Variants in ATP6V1C1 observed in about 807,000 individuals in gnomAD.
ATP6V1C1 encodes V-type proton ATPase subunit C 1.
In ATP6V1C1, 45 loss-of-function variants were observed where a neutral mutation model predicts 53.9. That is an observed-to-expected ratio of 0.83 (90% CI 0.66 to 1.07). The LOEUF (loss-of-function observed/expected upper bound fraction) is 1.07. Among genes scored for constraint, ATP6V1C1 ranks in the 50% least tolerant of loss-of-function variants. The pLI, the probability that ATP6V1C1 is intolerant of heterozygous loss-of-function variation, is 0.00. For missense variants in ATP6V1C1, 315 were observed against 440.3 expected (o/e 0.72, Z 2.55); for synonymous variants, 153 against 155.2 (o/e 0.99, Z 0.11).
chr8:103,027,184 C>T (rs1161676014), intron 1 of ATP6V1C1, among the ~76,000 whole-genome samples: 1 of 152,136 alleles, frequency 6.6e-6, no homozygotes, highest in Non-Finnish European at 1.5e-5. Context: ...TGAGGTATGC[C>T]TTCTTGTGCT....
chr8:103,033,837 A>G (rs1816840962), intron 1 of ATP6V1C1, among the ~76,000 whole-genome samples: 1 of 152,244 alleles, frequency 6.6e-6, no homozygotes, highest in Admixed American at 6.5e-5. Flanking sequence ...GCTAGTAGAT[A>G]GGAAGTGCCC....
intron 1 of ATP6V1C1, among the ~76,000 whole-genome samples, chr8:103,021,913 T>C (rs908506775): frequency 6.6e-6 from 1 of 152,154 alleles, no homozygotes; most frequent in African/African-American, 2.4e-5. Flanking sequence ...TAGTATTCTT[T>C]TCAGAGGAAA....
rs1351397738 is a variant in ATP6V1C1 at position 103,069,966 on chromosome 8, C to G, written c.*1219C>G. ...GACCCCCTCCCTCAATTTCCACCTCCCAAGGGAAGTTTATGTATTTTTCTA... is the reference window on the plus strand; with the variant it reads ...GACCCCCTCCCTCAATTTCCACCTCGCAAGGGAAGTTTATGTATTTTTCTA... On this transcript the variant is annotated 3_prime_UTR_variant, in exon 13 of 13. Transcript: ENST00000518738. 6.6e-6 allele frequency: 1 copy of G among 152,096 alleles called. No individual in the cohort carries two copies. The highest frequency in any genetic ancestry group is 1.5e-5 in the Non-Finnish European group (1 of 68,016). The allele number at this position is 152,096 out of a possible 1,614,324, so 9.4% of individuals were successfully genotyped here. A position where few individuals can be genotyped will look rare whatever the true frequency, so the allele number is the denominator to read the frequency against.
At chr8:103,061,170 T>C (rs1209026871) in intron 8 of ATP6V1C1, among the ~76,000 whole-genome samples, 1 of 152,162 alleles carries the variant, frequency 6.6e-6, no homozygotes, top group Non-Finnish European at 1.5e-5. Flanking sequence ...GAGCAAGAAT[T>C]AAGGGTAATC....
chr8:103,054,023 C>A, intron 7 of ATP6V1C1, 41 bp downstream of exon 7: 1 of 1,495,074 alleles, frequency 6.7e-7, no homozygotes, highest in South Asian at 1.2e-5. Flanking sequence ...TGTTAAAATA[C>A]AAGAAAAATG....
intron 1 of ATP6V1C1, among the ~76,000 whole-genome samples, chr8:103,032,480 TTTTTTC>T (rs983667442): frequency 2.1e-4 from 32 of 152,190 alleles, no homozygotes; most frequent in African/African-American, 7.2e-4. Flanking sequence ...TCCCCTTCCT[TTTTTTC>T]TTTTTCTTTT....
chr8:103,037,083 G>A (rs1391138796), intron 1 of ATP6V1C1, among the ~76,000 whole-genome samples: 2 of 152,158 alleles, frequency 1.3e-5, no homozygotes, highest in Non-Finnish European at 2.9e-5. Context: ...GATTCGCTAA[G>A]TGCGAGAGTA....
At chr8:103,067,068 C>T (rs1817504220) in intron 12 of ATP6V1C1, among the ~76,000 whole-genome samples, 1 of 151,570 alleles carries the variant, frequency 6.6e-6, no homozygotes, top group Non-Finnish European at 1.5e-5. Context: ...AAGATATAAA[C>T]AGAGTTACTT....
intron 7 of ATP6V1C1, among the ~76,000 whole-genome samples, chr8:103,055,197 A>G (rs1817268909): frequency 1.3e-5 from 2 of 152,150 alleles, no homozygotes. Flanking sequence ...CTTTATTTAA[A>G]ACTTGGGTTC....
At chr8:103,027,141 A>G (rs1586305909) in intron 1 of ATP6V1C1, among the ~76,000 whole-genome samples, 1 of 152,220 alleles carries the variant, frequency 6.6e-6, no homozygotes, top group East Asian at 1.9e-4. Flanking sequence ...TGATGTGCAC[A>G]TTTGGAAGGC....
At chr8:103,033,470 G>T (rs1816833934) in intron 1 of ATP6V1C1, among the ~76,000 whole-genome samples, 2 of 152,146 alleles carry the variant, frequency 1.3e-5, no homozygotes, top group South Asian at 4.1e-4. Flanking sequence ...TATCTTCTGA[G>T]ATTCTACCAT....
At chr8:103,034,915 A>G (rs1165406532) in intron 1 of ATP6V1C1, among the ~76,000 whole-genome samples, 1 of 152,184 alleles carries the variant, frequency 6.6e-6, no homozygotes, top group Non-Finnish European at 1.5e-5. Context: ...TGACAAGTTG[A>G]GAGCGGTCAT....
intron 7 of ATP6V1C1, among the ~76,000 whole-genome samples, chr8:103,055,518 A>G (rs1563607886): frequency 6.6e-6 from 1 of 152,040 alleles, no homozygotes; most frequent in Admixed American, 6.6e-5. Context: ...AATGATAGTG[A>G]TTTTAGCATG....
At chr8:103,046,232 A>G (rs1817094615) in intron 3 of ATP6V1C1, among the ~76,000 whole-genome samples, 1 of 151,990 alleles carries the variant, frequency 6.6e-6, no homozygotes, top group African/African-American at 2.4e-5. Context: ...TTTCAGAGAC[A>G]GGGTCTTGGT....
In ATP6V1C1 at chr8:103,063,055, T is replaced by C; in HGVS notation, c.734+8T>C. ...CAAAGCCAGAGAAAACAAGTAAGAT[T>C]ATTGTTTTTTTGTTTATTTACTTTG... On this transcript the variant is annotated splice_region_variant and intron_variant, in intron 9 of 12. Coordinates refer to ENST00000518738, the MANE Select transcript of ATP6V1C1 (RefSeq NM_001695.5). 1 of 1,613,412 alleles carries C rather than the reference T, an allele frequency of 6.2e-7. No homozygotes were observed. The highest frequency in any genetic ancestry group is 8.5e-7 in the Non-Finnish European group (1 of 1,179,524).
intron 1 of ATP6V1C1, among the ~76,000 whole-genome samples, chr8:103,022,017 A>G (rs763369158): frequency 1.8e-4 from 27 of 152,200 alleles, no homozygotes; most frequent in Admixed American, 1.4e-3. Flanking sequence ...TGAACAGTCT[A>G]TCCTTAGGAG....
chr8:103,045,677 C>T (rs935683649), intron 3 of ATP6V1C1, among the ~76,000 whole-genome samples: 3 of 152,148 alleles, frequency 2.0e-5, no homozygotes, highest in African/African-American at 7.2e-5. Flanking sequence ...CATGGTGGCT[C>T]ACGCCTGTAA....
chr8:103,064,043 CT>C (rs1447079103), intron 10 of ATP6V1C1, among the ~76,000 whole-genome samples: 1 of 152,086 alleles, frequency 6.6e-6, no homozygotes, highest in Non-Finnish European at 1.5e-5. Context: ...TATCCTTTTG[CT>C]TAAATTAATT....
Position 103,051,687 on chromosome 8 carries a change from AG to A in ATP6V1C1, c.381+544del, listed in dbSNP as rs1817203132. On this transcript the variant is annotated intron_variant, in intron 5 of 12. Transcript: ENST00000518738. ...CGATGCATGAACCCACCAAGTTAAG[AG>A]CTCCTTTTATATTGAGAAATCCTTG... Among the ~76,000 whole-genome samples the A allele has an allele frequency of 2.0e-5, 3 of 152,066 alleles. No homozygotes were observed. In the South Asian group the frequency reaches 6.2e-4, roughly 32 times the overall value.
Sources: allele counts gnomAD v4.1 joint callset (sites outside exome capture counted in the v4.1 genomes callset), GRCh38; gene constraint gnomAD v4.1.1; transcripts MANE v1.5; gene names NCBI Gene and HGNC (gene_info 2026-07-23, HGNC 2026-07-21).